The following NRXN1 variants were observed in gnomAD, a reference collection of about 807,000 sequenced individuals.
NRXN1 encodes neurexin-1.
Under a neutral mutation model 150.9 loss-of-function variants are expected in NRXN1, and 39 were observed. The observed-to-expected ratio is 0.26, with a 90% confidence interval of 0.20 to 0.34. NRXN1 has a LOEUF of 0.34. Among genes scored for constraint, NRXN1 ranks in the 10% least tolerant of loss-of-function variants. The pLI is 1.00. For synonymous variants in NRXN1, 924 were observed against 757.0 expected (o/e 1.22, Z -3.62); for missense variants, 1,815 against 1,949.9 (o/e 0.93, Z 1.30).
chr2:49,993,591 T>C (rs1345110596), intron 21 of NRXN1, among the ~76,000 whole-genome samples: 3 of 152,144 alleles, frequency 2.0e-5, no homozygotes, highest in African/African-American at 7.2e-5. Context: ...TTGTAACAAA[T>C]GCACTACTCT....
intron 8 of NRXN1, among the ~76,000 whole-genome samples, chr2:50,591,831 C>T (rs570991106): frequency 7.9e-5 from 12 of 152,208 alleles, no homozygotes; most frequent in Non-Finnish European, 7.3e-5. Context: ...CGCCCTTCAG[C>T]GAAGATTTCG....
At chr2:50,844,468 C>A (rs761305153) in intron 5 of NRXN1, among the ~76,000 whole-genome samples, 8 of 152,116 alleles carry the variant, frequency 5.3e-5, no homozygotes, top group Admixed American at 2.6e-4. Flanking sequence ...ATATATCATG[C>A]CTTGAAAATG....
chr2:50,894,154 G>T (rs922706459), intron 5 of NRXN1, among the ~76,000 whole-genome samples: 1 of 151,716 alleles, frequency 6.6e-6, no homozygotes, highest in Non-Finnish European at 1.5e-5. Flanking sequence ...ACGAGTTAGT[G>T]GGTGCAGCGC....
Position 50,683,688 on chromosome 2 carries a change from A to G in NRXN1, c.833-60073T>C, listed in dbSNP as rs531760735. Among the ~76,000 whole-genome samples the G allele has an allele frequency of 1.1e-3, 132 of 125,290 alleles. 1 individual carries two copies. Among genetic ancestry groups the G allele is most frequent in the Non-Finnish European group, 1.6e-3 (96 of 60,114 alleles). 82.2% of individuals were successfully genotyped at this position (125,290 alleles called of 152,430 possible). A position where few individuals can be genotyped will look rare whatever the true frequency, so the allele number is the denominator to read the frequency against. On this transcript the variant is annotated intron_variant, in intron 5 of 22. Coordinates refer to ENST00000401669, the MANE Select transcript of NRXN1 (RefSeq NM_001330078.2). ...ATATGTTATAAATGGTAGATCTAGG[A>G]ACTTAGAAAGTACAGTAGTTTAGTG...
intron 5 of NRXN1, among the ~76,000 whole-genome samples, chr2:50,824,270 G>GTAT (rs1215556213): frequency 2.0e-5 from 3 of 151,744 alleles, no homozygotes; most frequent in Admixed American, 6.6e-5. Flanking sequence ...TATGACTATA[G>GTAT]TATTATTATT....
intron 5 of NRXN1, among the ~76,000 whole-genome samples, chr2:50,703,230 ACTC>A (rs1049781961): frequency 2.0e-5 from 3 of 151,878 alleles, no homozygotes; most frequent in African/African-American, 7.3e-5. Context: ...AGCAAGAAAA[ACTC>A]CTAATAGTGA....
At chr2:50,791,137 TA>T (rs143234044) in intron 5 of NRXN1, among the ~76,000 whole-genome samples, 5 of 148,224 alleles carry the variant, frequency 3.4e-5, no homozygotes, top group African/African-American at 5.0e-5. Flanking sequence ...TTTTTTTTTT[TA>T]AAAAAAAAGA....
intron 17 of NRXN1, among the ~76,000 whole-genome samples, chr2:50,267,216 C>T (rs1267201003): frequency 6.6e-6 from 1 of 152,076 alleles, no homozygotes; most frequent in Non-Finnish European, 1.5e-5. Context: ...CAAGCTAGTC[C>T]CATTTCTGAC....
intron 5 of NRXN1, among the ~76,000 whole-genome samples, chr2:50,843,972 T>G (rs986230703): frequency 3.3e-5 from 5 of 152,102 alleles, no homozygotes; most frequent in African/African-American, 1.2e-4. Context: ...TTTATTCTGA[T>G]TCTGCCTTTA....
At chr2:51,015,115 T>G (rs549269555) in intron 2 of NRXN1, among the ~76,000 whole-genome samples, 1 of 152,104 alleles carries the variant, frequency 6.6e-6, no homozygotes, top group Non-Finnish European at 1.5e-5. Flanking sequence ...TTTTAAATTT[T>G]AAACCAACAG....
intron 17 of NRXN1, among the ~76,000 whole-genome samples, chr2:50,354,064 C>G (rs1233534277): frequency 6.6e-6 from 1 of 152,120 alleles, no homozygotes; most frequent in Non-Finnish European, 1.5e-5. Flanking sequence ...CCAATGATCT[C>G]ACCTCCCGTT....
chr2:50,296,518 C>CTATTATGAT (rs1553401373), intron 17 of NRXN1, among the ~76,000 whole-genome samples: 1 of 148,016 alleles, frequency 6.8e-6, no homozygotes, highest in Admixed American at 6.8e-5. Context: ...TGCTTAGCTT[C>CTATTATGAT]TATTATTATT....
intron 5 of NRXN1, among the ~76,000 whole-genome samples, chr2:50,897,392 T>C (rs1014964772): frequency 6.6e-6 from 1 of 152,160 alleles, no homozygotes; most frequent in African/African-American, 2.4e-5. Context: ...CTAAAACTTA[T>C]CTCCAACATC....
At chr2:50,171,565 C>G (rs907372772) in intron 18 of NRXN1, among the ~76,000 whole-genome samples, 2 of 152,026 alleles carry the variant, frequency 1.3e-5, no homozygotes, top group Non-Finnish European at 2.9e-5. Flanking sequence ...CAGTCATTAG[C>G]TGTCTGAAGA....
chr2:50,907,890 C>T (rs983850099), intron 5 of NRXN1, among the ~76,000 whole-genome samples: 5 of 152,226 alleles, frequency 3.3e-5, no homozygotes, highest in African/African-American at 1.2e-4. Flanking sequence ...TAAGCTATTA[C>T]ATTTGTAGTA....
chr2:51,014,285 G>C (rs1406067251), intron 2 of NRXN1, among the ~76,000 whole-genome samples: 2 of 152,022 alleles, frequency 1.3e-5, no homozygotes, highest in Non-Finnish European at 2.9e-5. Context: ...CTGAATGTCA[G>C]ACCAGTTGCA....
At chr2:50,240,887 G>A (rs961755269) in intron 17 of NRXN1, among the ~76,000 whole-genome samples, 3 of 151,664 alleles carry the variant, frequency 2.0e-5, no homozygotes, top group African/African-American at 4.8e-5. Context: ...GGGCAGTTGT[G>A]TGTGCTGTAA....
chr2:50,909,616 C>G (rs1406114451), intron 5 of NRXN1, among the ~76,000 whole-genome samples: 5 of 151,942 alleles, frequency 3.3e-5, no homozygotes, highest in Non-Finnish European at 7.4e-5. Context: ...GGAATCTCGC[C>G]TTCCCCCACA....
chr2:50,452,106 A>G (rs1192384213), intron 17 of NRXN1, among the ~76,000 whole-genome samples: 1 of 152,252 alleles, frequency 6.6e-6, no homozygotes, highest in Non-Finnish European at 1.5e-5. Context: ...CTACATAAAC[A>G]TGAAAGAAAA....
Sources: gnomAD v4.1 joint callset for allele counts (sites outside exome capture counted in the v4.1 genomes callset) on GRCh38, gnomAD v4.1.1 for gene constraint, MANE v1.5 for transcripts, NCBI Gene and HGNC (gene_info 2026-07-23, HGNC 2026-07-21) for gene names.